Variants in NKAIN2 observed in about 807,000 individuals in gnomAD.
The protein encoded by NKAIN2 is sodium/potassium transporting ATPase interacting 2.
A neutral mutation model predicts 32.6 loss-of-function variants in NKAIN2; 14 were observed. That is an observed-to-expected ratio of 0.43 (90% confidence interval 0.28 to 0.67). The LOEUF (loss-of-function observed/expected upper bound fraction) is 0.67, where lower values mean the gene tolerates loss of function less well. NKAIN2 is among the 30% of genes least tolerant of loss of function. The pLI, the probability that NKAIN2 is intolerant of heterozygous loss-of-function variation, is 0.17. For synonymous variants in NKAIN2, 80 were observed against 87.2 expected, an observed-to-expected ratio of 0.92 and a Z score of 0.46; for missense variants, 198 against 258.3, an observed-to-expected ratio of 0.77 and a Z score of 1.60.
At chr6:124,726,400 C>T (rs1776311802) in intron 4 of NKAIN2, among the ~76,000 whole-genome samples, 1 of 152,196 alleles carries the variant, frequency 6.6e-6, no homozygotes, top group South Asian at 2.1e-4. Flanking sequence ...GTCCCTGACC[C>T]ATGACCCCTG....
chr6:124,001,796 T>C (rs2114713421), intron 1 of NKAIN2, among the ~76,000 whole-genome samples: 1 of 91,342 alleles, frequency 1.1e-5, no homozygotes, highest in African/African-American at 4.6e-5. Flanking sequence ...TTCTCTTAGT[T>C]CTAAATATAT....
At chr6:123,831,378 A>C (rs1012078597) in intron 1 of NKAIN2, among the ~76,000 whole-genome samples, 2 of 151,552 alleles carry the variant, frequency 1.3e-5, no homozygotes, top group Non-Finnish European at 2.9e-5. Flanking sequence ...TGATTCTCAA[A>C]AGTATCCTTG....
intron 3 of NKAIN2, among the ~76,000 whole-genome samples, chr6:124,392,930 A>G (rs905325160): frequency 6.6e-6 from 1 of 152,220 alleles, no homozygotes. Context: ...CCTTGAGCCC[A>G]GGATTTTGAG....
intron 1 of NKAIN2, among the ~76,000 whole-genome samples, chr6:123,935,683 A>C (rs913683229): frequency 2.0e-5 from 3 of 152,104 alleles, no homozygotes; most frequent in Non-Finnish European, 4.4e-5. Context: ...TATATCAGTT[A>C]TCTAATGTCA....
At chr6:124,668,441 C>CT (rs1395481142) in intron 4 of NKAIN2, among the ~76,000 whole-genome samples, 1 of 151,930 alleles carries the variant, frequency 6.6e-6, no homozygotes, top group Non-Finnish European at 1.5e-5. Flanking sequence ...GAGACTATTC[C>CT]TTTTTCCTCT....
intron 3 of NKAIN2, among the ~76,000 whole-genome samples, chr6:124,360,621 C>A (rs1288353717): frequency 6.6e-6 from 1 of 151,572 alleles, no homozygotes; most frequent in Admixed American, 6.6e-5. Flanking sequence ...AAATAATCCA[C>A]CGGAGAAACT....
At chr6:124,710,436 A>C (rs1452038954) in intron 4 of NKAIN2, among the ~76,000 whole-genome samples, 2 of 150,578 alleles carry the variant, frequency 1.3e-5, no homozygotes, top group Non-Finnish European at 3.0e-5. Flanking sequence ...GGGGTGTTAA[A>C]GTCTCCCATT....
chr6:124,629,363 A>G (rs777539317), intron 3 of NKAIN2, among the ~76,000 whole-genome samples: 1 of 152,134 alleles, frequency 6.6e-6, no homozygotes, highest in Non-Finnish European at 1.5e-5. Context: ...ATTGACAGAC[A>G]GTTTAGCTGT....
chr6:123,988,348 C>G (rs1266344119), intron 1 of NKAIN2, among the ~76,000 whole-genome samples: 1 of 152,116 alleles, frequency 6.6e-6, no homozygotes, highest in Non-Finnish European at 1.5e-5. Context: ...GAAGGACATT[C>G]CACAAATAAA....
chr6:124,546,680 C>CA (rs1780105990), intron 3 of NKAIN2, among the ~76,000 whole-genome samples: 1 of 152,024 alleles, frequency 6.6e-6, no homozygotes, highest in Admixed American at 6.6e-5. Context: ...GCTTCCCCCT[C>CA]AAGAAATTTT....
intron 1 of NKAIN2, among the ~76,000 whole-genome samples, chr6:124,073,765 C>T (rs577435816): frequency 5.9e-5 from 9 of 152,166 alleles, no homozygotes; most frequent in South Asian, 2.1e-4. Context: ...ATATAACATA[C>T]GATTAAATAA....
intron 3 of NKAIN2, among the ~76,000 whole-genome samples, chr6:124,423,564 C>T (rs1273514642): frequency 6.6e-6 from 1 of 152,142 alleles, no homozygotes; most frequent in Non-Finnish European, 1.5e-5. Flanking sequence ...TGTGGAACCC[C>T]AAATGCATAT....
intron 1 of NKAIN2, among the ~76,000 whole-genome samples, chr6:123,888,539 T>A (rs1194042334): frequency 6.6e-6 from 1 of 152,154 alleles, no homozygotes; most frequent in African/African-American, 2.4e-5. Flanking sequence ...AATATTGTAT[T>A]TTTGGTCTTT....
intron 1 of NKAIN2, among the ~76,000 whole-genome samples, chr6:124,009,611 T>C (rs1438691935): frequency 6.6e-6 from 1 of 152,190 alleles, no homozygotes; most frequent in African/African-American, 2.4e-5. Context: ...CTGTTTATAC[T>C]TCTATACTTG....
At chr6:124,815,217 T>TATATATAC (rs1244036589) in intron 5 of NKAIN2, among the ~76,000 whole-genome samples, 7 of 102,404 alleles carry the variant, frequency 6.8e-5, no homozygotes, top group African/African-American at 9.1e-5. Flanking sequence ...TCTTAAACTA[T>TATATATAC]ATATATACAT....
chr6:124,642,911 G>T (rs1269679567), intron 3 of NKAIN2, among the ~76,000 whole-genome samples: 2 of 152,090 alleles, frequency 1.3e-5, no homozygotes, highest in Admixed American at 6.5e-5. Flanking sequence ...TAAAAGCACT[G>T]CTCCTGGTCA....
At chr6:124,627,361 C>G (rs1379950543) in intron 3 of NKAIN2, among the ~76,000 whole-genome samples, 2 of 151,994 alleles carry the variant, frequency 1.3e-5, no homozygotes, top group Non-Finnish European at 2.9e-5. Flanking sequence ...GGTGATAAAA[C>G]AAATCAAGGA....
intron 1 of NKAIN2, among the ~76,000 whole-genome samples, chr6:123,859,754 G>A (rs1289791702): frequency 2.0e-5 from 3 of 152,076 alleles, no homozygotes; most frequent in Non-Finnish European, 4.4e-5. Context: ...GCAGTGGCAC[G>A]ATCTTGGCTC....
At chr6:123,811,202 A>G (rs773086899) in intron 1 of NKAIN2, among the ~76,000 whole-genome samples, 13 of 152,146 alleles carry the variant, frequency 8.5e-5, no homozygotes, top group Non-Finnish European at 1.2e-4. Flanking sequence ...TTCAGGACCT[A>G]TTTCTGACTT....
Sources: gnomAD v4.1 joint callset for allele counts (sites outside exome capture counted in the v4.1 genomes callset) on GRCh38, gnomAD v4.1.1 for gene constraint, MANE v1.5 for transcripts, NCBI Gene and HGNC (gene_info 2026-07-23, HGNC 2026-07-21) for gene names.